Variants in DLD observed in about 807,000 individuals in gnomAD.
DLD encodes the protein dihydrolipoamide dehydrogenase.
In DLD, 36 loss-of-function variants were observed where a neutral mutation model predicts 62.2. The ratio of observed to expected loss-of-function variants is 0.58; its 90% CI spans 0.44 to 0.76. DLD has a LOEUF of 0.76. DLD is among the 30% of genes least tolerant of loss of function. The pLI is 0.00. For missense variants in DLD, 541 were observed against 608.6 expected, an observed-to-expected ratio of 0.89 and a Z score of 1.17; for synonymous variants, 204 against 199.6, an observed-to-expected ratio of 1.02 and a Z score of -0.19.
In DLD at chr7:107,919,065, G is replaced by A. The variant is rs2032344274; in HGVS notation, c.1430G>A (p.Cys477Tyr). 1 of 1,613,952 alleles carries A rather than the reference G, an allele frequency of 6.2e-7. No individual in the cohort carries two copies. Among genetic ancestry groups the A allele is most frequent in the Non-Finnish European group, 8.5e-7 (1 of 1,179,842 alleles). ...AALALEYGAS[C>Y]EDIARVCHAH... ...CTTGCTTTGGAATATGGAGCATCCT[G>A]TGAAGATATAGCTAGAGTCTGTCAT... The change falls in exon 13 of 14, where the codon TGT (cysteine) becomes TAT (tyrosine). Residue 477 changes from cysteine to tyrosine, a missense_variant. Physicochemically the swap from Cys to Tyr is radical, Grantham distance 194. Coordinates refer to ENST00000205402, the MANE Select transcript of DLD (RefSeq NM_000108.5).
chr7:107,906,872 A>C (rs1360167125), intron 8 of DLD, among the ~76,000 whole-genome samples: 2 of 152,116 alleles, frequency 1.3e-5, no homozygotes, highest in Non-Finnish European at 2.9e-5. Context: ...GCAGCTTTCC[A>C]CACATTTCCA....
At position 107,917,463 on chromosome 7, in the gene DLD, G is replaced by A. The variant is rs1554400483; in HGVS notation, c.1236+1G>A. The A allele has an allele frequency of 1.2e-6, 2 of 1,614,126 alleles. No individual in the cohort carries two copies. The highest frequency in any genetic ancestry group is 1.7e-6 in the Non-Finnish European group (2 of 1,179,986). On this transcript the variant is annotated splice_donor_variant, in intron 11 of 13. Coordinates refer to ENST00000205402, the MANE Select transcript of DLD (RefSeq NM_000108.5). LOFTEE classifies it high-confidence loss of function. ...ATCAGAAGAGCAGTTGAAAGAAGAG[G>A]TAAGTCTGAACATGGGTGGTTTTAA... is the stretch of plus-strand genomic sequence containing the variant.
rs1389131456 is a variant in DLD at position 107,915,604 on chromosome 7, T to G, written c.783T>G (p.Phe261Leu). The G allele has an allele frequency of 5.6e-6, 9 of 1,613,706 alleles. No individual in the cohort carries two copies. Among genetic ancestry groups the G allele is most frequent in the Non-Finnish European group, 7.6e-6 (9 of 1,179,874 alleles). Reference sequence around the variant, plus strand: ...TTGATATGGAGATATCTAAAAACTTTCAACGCATCCTTCAAAAACAGGGGT... The same window carrying G: ...TTGATATGGAGATATCTAAAAACTTGCAACGCATCCTTCAAAAACAGGGGT... ...VGIDMEISKN[F>L]QRILQKQGFK... The change falls in exon 9 of 14, where the codon TTT (phenylalanine) becomes TTG (leucine). Residue 261 changes from phenylalanine to leucine, a missense_variant. Coordinates refer to ENST00000205402, the MANE Select transcript of DLD (RefSeq NM_000108.5).
intron 8 of DLD, among the ~76,000 whole-genome samples, chr7:107,911,809 C>G (rs1357742083): frequency 6.6e-6 from 1 of 151,820 alleles, no homozygotes; most frequent in Non-Finnish European, 1.5e-5. Context: ...CTATCCATCA[C>G]CTCGAACATT....
chr7:107,912,889 A>C (rs1179192859), intron 8 of DLD, among the ~76,000 whole-genome samples: 1 of 152,140 alleles, frequency 6.6e-6, no homozygotes, highest in African/African-American at 2.4e-5. Flanking sequence ...AGTGTCCTGG[A>C]GCATTTCTCC....
intron 1 of DLD, 198 bp downstream of exon 1, chr7:107,891,487 G>C (rs567556288): frequency 1.7e-5 from 11 of 652,824 alleles, no homozygotes; most frequent in Non-Finnish European, 2.7e-5. Flanking sequence ...GGCGAGGGAC[G>C]GGGCTGGGCC....
At chr7:107,903,407 A>G (rs190445193) in intron 4 of DLD, 71 bp from the exon 5 acceptor site, 87 of 996,866 alleles carry the variant, frequency 8.7e-5, no homozygotes, top group Admixed American at 7.8e-4. Context: ...CTATCATTTC[A>G]TAAGTGCTTT....
intron 1 of DLD, 110 bp downstream of exon 1, chr7:107,891,399 G>C: frequency 8.0e-7 from 1 of 1,246,228 alleles, no homozygotes; most frequent in Non-Finnish European, 1.2e-6. Context: ...GGGCGCCTGG[G>C]CCGCACCACC....
chr7:107,898,439 C>G (rs1397157425), intron 2 of DLD, among the ~76,000 whole-genome samples: 2 of 151,562 alleles, frequency 1.3e-5, no homozygotes, highest in Non-Finnish European at 2.9e-5. Context: ...TGCCACCACG[C>G]CTGGCAATAT....
intron 2 of DLD, among the ~76,000 whole-genome samples, chr7:107,899,629 A>G (rs3801934): frequency 0.32 from 48,030 of 151,768 alleles, 8,924 homozygotes; most frequent in Non-Finnish European, 0.41. Flanking sequence ...GGGTTTTTGG[A>G]GAATTATAGC....
At chr7:107,905,859 C>G (rs907930142) in intron 7 of DLD, 2 of 334,148 alleles carry the variant, frequency 6.0e-6, no homozygotes, top group African/African-American at 4.3e-5. Flanking sequence ...CTACTGAGAT[C>G]ACAGTTTATA....
intron 2 of DLD, among the ~76,000 whole-genome samples, chr7:107,894,064 C>T (rs2031657371): frequency 6.6e-6 from 1 of 152,138 alleles, no homozygotes; most frequent in East Asian, 1.9e-4. Context: ...AGCTATGGGT[C>T]ATGGAATTTT....
intron 2 of DLD, among the ~76,000 whole-genome samples, chr7:107,896,442 G>A (rs978583676): frequency 1.3e-5 from 2 of 152,208 alleles, no homozygotes; most frequent in African/African-American, 4.8e-5. Context: ...TTGTATCAAA[G>A]CCCAGAGAGA....
intron 5 of DLD, chr7:107,903,838 T>A (rs2031937951): frequency 1.4e-5 from 4 of 283,596 alleles, no homozygotes; most frequent in Admixed American, 9.7e-5. Flanking sequence ...TTTTGAAGAG[T>A]CAGTTTTCAT....
chr7:107,911,692 T>C (rs1484549790), intron 8 of DLD, among the ~76,000 whole-genome samples: 1 of 144,602 alleles, frequency 6.9e-6, no homozygotes, highest in South Asian at 2.1e-4. Context: ...CACTGTGGGG[T>C]TTTTTTTTCT....
chr7:107,905,788 T>G (rs990374276), intron 7 of DLD: 1 of 442,200 alleles, frequency 2.3e-6, no homozygotes, highest in Non-Finnish European at 4.1e-6. Context: ...TAATGGGATT[T>G]GATGAAATTA....
intron 8 of DLD, among the ~76,000 whole-genome samples, chr7:107,911,228 T>G (rs993128829): frequency 1.3e-5 from 2 of 152,190 alleles, no homozygotes; most frequent in Non-Finnish European, 2.9e-5. Context: ...ACATTTCATA[T>G]AAATGAAATC....
chr7:107,904,753 AT>A (rs2031961945), intron 5 of DLD: 7 of 643,460 alleles, frequency 1.1e-5, no homozygotes, highest in South Asian at 1.1e-4. Context: ...CAAGGTAGAC[AT>A]TTTATAGTGT....
intron 7 of DLD, 80 bp downstream of exon 7, chr7:107,905,584 A>T: frequency 1.4e-6 from 2 of 1,455,976 alleles, no homozygotes; most frequent in Non-Finnish European, 1.9e-6. Context: ...CTATTTGTGA[A>T]CTTTGAGAGA....
Sources: allele counts gnomAD v4.1 joint callset (sites outside exome capture counted in the v4.1 genomes callset), GRCh38; gene constraint gnomAD v4.1.1; transcripts MANE v1.5; gene names NCBI Gene and HGNC (gene_info 2026-07-23, HGNC 2026-07-21).